Variants in PDE4D observed in about 807,000 individuals in gnomAD.
The protein encoded by PDE4D is 3',5'-cyclic-AMP phosphodiesterase 4D.
PDE4D carries 24 observed loss-of-function variants against 87.4 expected under a neutral mutation model. The observed-to-expected ratio is 0.27, with a 90% CI of 0.20 to 0.39. The LOEUF is 0.39. Ranked by LOEUF, PDE4D falls within the 10% of genes least tolerant of loss-of-function variation. The probability of loss-of-function intolerance (pLI) is 1.00; values close to 1 mark genes in which losing one functional copy is unlikely to be tolerated. For synonymous variants in PDE4D, 384 were observed against 383.2 expected (o/e 1.00, Z -0.02); for missense variants, 714 against 1,041.0 (o/e 0.69, Z 4.32).
rs118052742 is a variant in PDE4D at position 60,263,235 on chromosome 5, C to T, written c.-89-77548G>A. Among the ~76,000 whole-genome samples the T allele has an allele frequency of 1.2e-4, 19 of 152,244 alleles. No homozygotes were observed. The East Asian group carries it at 1.9e-3, about 16-fold the overall frequency. ...TCCAAAGCAGATGTCTTAGGGTAAC[C>T]GTCAGGGAATCTCCCTTAAATTCCA... On this transcript the variant is annotated intron_variant, in intron 1 of 16. Transcript: ENST00000502484.
intron 1 of PDE4D, among the ~76,000 whole-genome samples, chr5:59,507,679 A>AAAAAAAAAAAAAAAAAAAAAAGAAAAG (rs61334148): frequency 8.4e-6 from 1 of 118,714 alleles, no homozygotes; most frequent in African/African-American, 3.5e-5. Context: ...AAAAAAAAAA[A>AAAAAAAAAAAAAAAAAAAAAAGAAAAG]AAAAGAAAAG....
chr5:59,255,501 C>T (rs569398102), intron 1 of PDE4D, among the ~76,000 whole-genome samples: 178 of 152,046 alleles, frequency 1.2e-3, no homozygotes, highest in African/African-American at 4.1e-3. Context: ...GTAAAATGTT[C>T]TACATTGATT....
intron 1 of PDE4D, among the ~76,000 whole-genome samples, chr5:60,261,146 TAGG>T (rs1749608727): frequency 2.6e-5 from 4 of 152,156 alleles, no homozygotes; most frequent in African/African-American, 7.2e-5. Flanking sequence ...TAGGATACAA[TAGG>T]AGAAGGTAAA....
At chr5:60,340,164 ATGT>A (rs1758180977) in intron 1 of PDE4D, among the ~76,000 whole-genome samples, 1 of 136,512 alleles carries the variant, frequency 7.3e-6, no homozygotes, top group African/African-American at 2.5e-5. Flanking sequence ...CCACGGCGCG[ATGT>A]TCAGGGAATC....
At chr5:59,802,240 A>AT (rs59251157) in intron 1 of PDE4D, among the ~76,000 whole-genome samples, 71,117 of 150,038 alleles carry the variant, frequency 0.47, 17,460 homozygotes, top group African/African-American at 0.59. Context: ...TTTTGTTTTC[A>AT]TTTTTTTTTT....
chr5:59,133,254 G>A (rs1182058403), intron 5 of PDE4D, among the ~76,000 whole-genome samples: 2 of 152,168 alleles, frequency 1.3e-5, no homozygotes, highest in Admixed American at 6.5e-5. Flanking sequence ...TTTCTAGTAA[G>A]AGTAGCAAAA....
chr5:59,046,292 G>A (rs1367101087), intron 5 of PDE4D, among the ~76,000 whole-genome samples: 1 of 152,132 alleles, frequency 6.6e-6, no homozygotes. Flanking sequence ...ATGTGTGTAA[G>A]CGCATGAGAG....
At chr5:59,914,544 G>A (rs1753798352) in intron 3 of PDE4D, among the ~76,000 whole-genome samples, 1 of 148,246 alleles carries the variant, frequency 6.7e-6, no homozygotes, top group Admixed American at 6.7e-5. Flanking sequence ...GTATGTGTGT[G>A]TGTGTGTGTG....
chr5:59,927,356 T>A (rs371280496), intron 3 of PDE4D, among the ~76,000 whole-genome samples: 1 of 152,226 alleles, frequency 6.6e-6, no homozygotes, highest in African/African-American at 2.4e-5. Flanking sequence ...TAAATTAATA[T>A]AGTGTGAATG....
At chr5:60,191,655 T>A (rs1339045037) in intron 1 of PDE4D, among the ~76,000 whole-genome samples, 3 of 152,164 alleles carry the variant, frequency 2.0e-5, no homozygotes, top group African/African-American at 7.2e-5. Flanking sequence ...CAGGGTTGAA[T>A]AAGGTACATT....
chr5:59,179,674 T>C (rs1561642017), intron 5 of PDE4D: 1 of 461,454 alleles, frequency 2.2e-6, no homozygotes, highest in South Asian at 1.6e-5. Context: ...CAAAGTGTAC[T>C]CACTAATAAC....
At chr5:59,427,326 C>CAA (rs1001883527) in intron 1 of PDE4D, among the ~76,000 whole-genome samples, 1 of 151,386 alleles carries the variant, frequency 6.6e-6, no homozygotes, top group Non-Finnish European at 1.5e-5. Flanking sequence ...CACACACACA[C>CAA]ACACACACAC....
intron 1 of PDE4D, among the ~76,000 whole-genome samples, chr5:60,248,556 G>T (rs1748055591): frequency 6.6e-6 from 1 of 152,070 alleles, no homozygotes; most frequent in African/African-American, 2.4e-5. Flanking sequence ...GGAGATGACT[G>T]CTTTCATGCA....
chr5:59,118,580 T>C (rs1006530351), intron 5 of PDE4D, among the ~76,000 whole-genome samples: 2 of 152,242 alleles, frequency 1.3e-5, no homozygotes, highest in South Asian at 2.1e-4. Flanking sequence ...CTGTTGCAAC[T>C]ACACAGCAAC....
chr5:58,986,916 G>A (rs1746563962), intron 11 of PDE4D, among the ~76,000 whole-genome samples: 1 of 151,722 alleles, frequency 6.6e-6, no homozygotes, highest in African/African-American at 2.4e-5. Context: ...CTATATAACA[G>A]AATGCAAAGA....
chr5:59,628,700 A>G (rs569693242), intron 1 of PDE4D, among the ~76,000 whole-genome samples: 1 of 152,172 alleles, frequency 6.6e-6, no homozygotes, highest in Non-Finnish European at 1.5e-5. Context: ...TAGAAAAAGA[A>G]TAAGAAAATA....
Position 59,853,160 on chromosome 5 carries a change from G to A in PDE4D, c.455+40008C>T, listed in dbSNP as rs192159090. ...ATGCCTCTTAGACACAATGAAAATC[G>A]TGATATGAAGGACTCCTCTGTACTG... On this transcript the variant is annotated intron_variant, in intron 1 of 14. Transcript: ENST00000340635. Among the ~76,000 whole-genome samples the A allele has an allele frequency of 1.2e-4, 19 of 152,136 alleles. No homozygotes were observed. The East Asian group carries it at 3.1e-3, about 25-fold the overall frequency.
chr5:59,823,753 A>G (rs1461389215), intron 1 of PDE4D, among the ~76,000 whole-genome samples: 2 of 150,982 alleles, frequency 1.3e-5, no homozygotes, highest in Admixed American at 1.3e-4. Flanking sequence ...ATTTCCTCTC[A>G]TACAACTCTC....
intron 1 of PDE4D, among the ~76,000 whole-genome samples, chr5:60,341,192 T>C (rs1758288452): frequency 6.6e-6 from 1 of 152,154 alleles, no homozygotes; most frequent in Non-Finnish European, 1.5e-5. Flanking sequence ...ACTACAAAAC[T>C]CTAGAGCCAC....
Sources: allele counts gnomAD v4.1 joint callset (sites outside exome capture counted in the v4.1 genomes callset), GRCh38; gene constraint gnomAD v4.1.1; transcripts MANE v1.5; gene names NCBI Gene and HGNC (gene_info 2026-07-23, HGNC 2026-07-21).